ZC3H3: variants seen among roughly 807,000 people sequenced by gnomAD.
ZC3H3 encodes zinc finger CCCH-type containing 3, also known as zinc finger CCCH domain-containing protein 3.
ZC3H3 carries 36 observed loss-of-function variants against 77.3 expected under a neutral mutation model. That is an observed-to-expected ratio of 0.47 (90% CI 0.36 to 0.61). ZC3H3 has a LOEUF of 0.61. Among genes scored for constraint, ZC3H3 ranks in the 20% least tolerant of loss-of-function variants. The pLI is 0.00. For missense variants in ZC3H3, 1,331 were observed against 1,312.2 expected (o/e 1.01, Z -0.22); for synonymous variants, 626 against 555.2 (o/e 1.13, Z -1.79).
rs1473488081 is a variant in ZC3H3 at position 143,517,237 on chromosome 8, G to C, written c.1562-9338C>G. ...AGTTTGCTCCGTGACAGTTGCTATA[G>C]ATTATGGAGAGTGGGGCTTCCTCCC... On this transcript the variant is annotated intron_variant, in intron 3 of 11. Transcript: ENST00000262577. Among the ~76,000 whole-genome samples the C allele has an allele frequency of 9.9e-5, 15 of 152,232 alleles. 1 individual carries two copies.
rs1221214200 is a variant in ZC3H3 at position 143,493,708 on chromosome 8, G to GT, written c.1715+14037dup. Among the ~76,000 whole-genome samples, 1 of 152,192 alleles carries GT rather than the reference G, an allele frequency of 6.6e-6. No individual in the cohort carries two copies. The highest frequency in any genetic ancestry group is 1.9e-4 in the East Asian group (1 of 5,206). On this transcript the variant is annotated intron_variant, in intron 4 of 11. Transcript: ENST00000262577. This position sits in a 1 kb window ranked among gnomAD's most constrained non-coding sequence, Gnocchi z 4.8. ...TCTGTGGCACCTTCCGTGCAAAACC[G>GT]TATCTCAGCCCATTTATTAGAATGA...
chr8:143,439,238 CCT>C (rs1473693548), intron 11 of ZC3H3, among the ~76,000 whole-genome samples: 2 of 152,160 alleles, frequency 1.3e-5, no homozygotes, highest in African/African-American at 4.8e-5. Flanking sequence ...GCTCCACGCC[CCT>C]GACGTGGAGG....
chr8:143,508,625 C>A (rs1179797900), intron 3 of ZC3H3, among the ~76,000 whole-genome samples: 1 of 152,188 alleles, frequency 6.6e-6, no homozygotes, highest in Non-Finnish European at 1.5e-5. Context: ...CTCTGACTGC[C>A]CAGATCATTA....
At chr8:143,451,207 C>A (rs533208309) in intron 9 of ZC3H3, among the ~76,000 whole-genome samples, 69 of 152,118 alleles carry the variant, frequency 4.5e-4, no homozygotes, top group African/African-American at 1.6e-3. Context: ...AGGACAGGAG[C>A]CCGGGGAAAA....
At chr8:143,440,013 G>C in intron 11 of ZC3H3, 28 bp downstream of exon 11, 1 of 1,472,350 alleles carries the variant, frequency 6.8e-7, no homozygotes. Context: ...GGGGGCCCTG[G>C]GGGCCCGAGC....
intron 3 of ZC3H3, among the ~76,000 whole-genome samples, chr8:143,526,087 C>T (rs769282833): frequency 1.3e-5 from 2 of 152,254 alleles, no homozygotes; most frequent in African/African-American, 2.4e-5. Context: ...CCAAAACCCA[C>T]GCTAGGATGC....
intron 5 of ZC3H3, among the ~76,000 whole-genome samples, chr8:143,470,894 G>A (rs1012669583): frequency 1.3e-5 from 2 of 152,220 alleles, no homozygotes; most frequent in Non-Finnish European, 2.9e-5. Flanking sequence ...CACAGCAGAA[G>A]GCGCCATGCA....
chr8:143,516,311 C>A (rs1822038823), intron 3 of ZC3H3, among the ~76,000 whole-genome samples: 1 of 152,284 alleles, frequency 6.6e-6, no homozygotes, highest in African/African-American at 2.4e-5. Flanking sequence ...AGGGAAGGAG[C>A]CCCTGTATGT....
Position 143,498,368 on chromosome 8 carries a change from C to T in ZC3H3, c.1715+9378G>A, listed in dbSNP as rs538125051. Among the ~76,000 whole-genome samples, 156 of 152,308 alleles carry T rather than the reference C, an allele frequency of 1.0e-3. 2 individuals are homozygous for T. The highest frequency in any genetic ancestry group is 3.3e-3 in the African/African-American group (137 of 41,556). Reference sequence around the variant, plus strand: ...CTGGCTCGGGGGGAATCAGGAGATCCCGGTACTTAGGGTCACTTGCACCCA... The same window carrying T: ...CTGGCTCGGGGGGAATCAGGAGATCTCGGTACTTAGGGTCACTTGCACCCA... On this transcript the variant is annotated intron_variant, in intron 4 of 11. Transcript: ENST00000262577.
intron 5 of ZC3H3, among the ~76,000 whole-genome samples, chr8:143,474,431 TGGGGCA>T (rs1217805627): frequency 6.6e-6 from 1 of 152,198 alleles, no homozygotes; most frequent in East Asian, 1.9e-4. Flanking sequence ...CAGAGCCCTG[TGGGGCA>T]GGTGCCAGGG....
chr8:143,531,430 C>T (rs1458618480), intron 3 of ZC3H3, among the ~76,000 whole-genome samples: 1 of 152,164 alleles, frequency 6.6e-6, no homozygotes. Context: ...TTCGGAGGGC[C>T]GGGAGAGGCA....
Position 143,538,438 on chromosome 8 carries a change from T to C in ZC3H3, c.929A>G (p.Asn310Ser). 4 of 1,613,174 alleles carry C rather than the reference T, an allele frequency of 2.5e-6. No homozygotes were observed. The South Asian group carries it at 4.4e-5, about 18-fold the overall frequency. Residue 310 changes from asparagine (N) to serine (S), a missense_variant, in exon 2 of 12, where the codon AAC (asparagine) becomes AGC (serine). Physicochemically the swap from Asn to Ser is conservative, Grantham distance 46. This residue lies in a region of ZC3H3 where 978 missense variants were observed against 915.5 expected (regional missense o/e 1.07). Transcript: ENST00000262577. ...CGAGGAGGCAGCCACCCATTTGTAG[T>C]TGTTTTTCCGGAACTTGTTAGTTCG... ...TCRTNKFRKN[N>S]YKWVAASSKS...
At chr8:143,467,876 G>C (rs1321322683) in intron 8 of ZC3H3, among the ~76,000 whole-genome samples, 1 of 151,714 alleles carries the variant, frequency 6.6e-6, no homozygotes, top group Non-Finnish European at 1.5e-5. Context: ...TCAGCCCTGG[G>C]TCCACAGGGG....
chr8:143,505,626 G>T (rs1368432792), intron 4 of ZC3H3, among the ~76,000 whole-genome samples: 1 of 152,202 alleles, frequency 6.6e-6, no homozygotes, highest in South Asian at 2.1e-4. Context: ...CAGACGCCTG[G>T]CAAGGAGTGG....
At chr8:143,516,525 T>TCACACACACACACACACA (rs57359541) in intron 3 of ZC3H3, among the ~76,000 whole-genome samples, 9 of 139,918 alleles carry the variant, frequency 6.4e-5, no homozygotes, top group Non-Finnish European at 1.4e-4. Flanking sequence ...AACTTTGCAA[T>TCACACACACACACACACA]CACACACACA....
intron 1 of ZC3H3, 130 bp downstream of exon 1, chr8:143,541,246 C>T (rs1823003881): frequency 6.6e-7 from 1 of 1,511,576 alleles, no homozygotes; most frequent in African/African-American, 1.4e-5. Flanking sequence ...GCGGACCCTA[C>T]CGTCCCCCAC....
At chr8:143,512,365 T>C (rs1168416822) in intron 3 of ZC3H3, among the ~76,000 whole-genome samples, 1 of 152,252 alleles carries the variant, frequency 6.6e-6, no homozygotes, top group Non-Finnish European at 1.5e-5. Context: ...TATGTCCTTC[T>C]CTGACTAACG....
rs557930229 is a variant in ZC3H3 at position 143,512,966 on chromosome 8, G to A, written c.1562-5067C>T. On this transcript the variant is annotated intron_variant, in intron 3 of 11. Transcript: ENST00000262577. ...GGAGCAGAGCCTGGGGTTCCTGAGAGAGGAGAGAGCAGGGCATAGGCCCAG... is the reference window on the plus strand; with the variant it reads ...GGAGCAGAGCCTGGGGTTCCTGAGAAAGGAGAGAGCAGGGCATAGGCCCAG... Among the ~76,000 whole-genome samples the A allele has an allele frequency of 2.4e-4, 36 of 152,298 alleles. 1 individual carries two copies. The South Asian group carries it at 7.5e-3, about 32-fold the overall frequency.
chr8:143,537,861 G>T, intron 2 of ZC3H3, 142 bp downstream of exon 2: 1 of 969,722 alleles, frequency 1.0e-6, no homozygotes, highest in Non-Finnish European at 1.5e-6. Flanking sequence ...AACCACCACA[G>T]CAGCACTTCC....
Sources: gnomAD v4.1 joint callset for allele counts (sites outside exome capture counted in the v4.1 genomes callset) on GRCh38, gnomAD v4.1.1 for gene constraint, gnomAD v4.1.1 regional missense constraint, Gnocchi (gnomAD v3.1) non-coding constraint, MANE v1.5 for transcripts, NCBI Gene and HGNC (gene_info 2026-07-23, HGNC 2026-07-21) for gene names.